PPP1R13B: variants seen among roughly 807,000 people sequenced by gnomAD.
PPP1R13B encodes the protein apoptosis-stimulating of p53 protein 1.
Under a neutral mutation model 119.8 loss-of-function variants are expected in PPP1R13B, and 44 were observed. That is an observed-to-expected ratio of 0.37 (90% CI 0.29 to 0.47). The LOEUF (loss-of-function observed/expected upper bound fraction) is 0.47. PPP1R13B is among the 20% of genes least tolerant of loss of function. The pLI is 0.99. For missense variants in PPP1R13B, 1,227 were observed against 1,413.5 expected, an observed-to-expected ratio of 0.87 and a Z score of 2.12; for synonymous variants, 542 against 561.5, an observed-to-expected ratio of 0.97 and a Z score of 0.49.
chr14:103,815,647 C>T (rs1472243489), intron 1 of PPP1R13B, among the ~76,000 whole-genome samples: 10 of 152,138 alleles, frequency 6.6e-5, no homozygotes, highest in Admixed American at 5.2e-4. Context: ...CCCAGCTACT[C>T]AGGAGGCTGA....
At chr14:103,756,306 T>C (rs1595730893) in intron 5 of PPP1R13B, among the ~76,000 whole-genome samples, 1 of 152,144 alleles carries the variant, frequency 6.6e-6, no homozygotes. Context: ...GCCAGGCTGG[T>C]CTCGAACTCC....
chr14:103,757,699 G>T lies in PPP1R13B; in HGVS notation c.407C>A (p.Ala136Asp). 6.2e-7 allele frequency: 1 copy of T among 1,612,704 alleles called. No individual in the cohort carries two copies. Among genetic ancestry groups the T allele is most frequent in the South Asian group, 1.1e-5 (1 of 91,066 alleles). Reference sequence around the variant, plus strand: ...ATTTTCAATCTGCTGCTGTTGCCTAGCTGCCATATCTTGGAGCTCTGAGAG... The same window carrying T: ...ATTTTCAATCTGCTGCTGTTGCCTATCTGCCATATCTTGGAGCTCTGAGAG... ...LTLSELQDMAARQQQQIENQQ... is the reference protein window; with the variant it reads ...LTLSELQDMADRQQQQIENQQ... The change falls in exon 5 of 17, where the codon GCT becomes GAT. Residue 136 changes from alanine to aspartate, a missense_variant. Coordinates refer to ENST00000202556, the MANE Select transcript of PPP1R13B (RefSeq NM_015316.3).
intron 1 of PPP1R13B, among the ~76,000 whole-genome samples, chr14:103,798,248 T>G (rs1389099177): frequency 6.8e-6 from 1 of 147,248 alleles, no homozygotes; most frequent in Non-Finnish European, 1.5e-5. Flanking sequence ...GCCTCCCGGG[T>G]TCATGCCATT....
chr14:103,776,329 A>G (rs938834876), intron 4 of PPP1R13B, among the ~76,000 whole-genome samples: 1 of 152,218 alleles, frequency 6.6e-6, no homozygotes, highest in Non-Finnish European at 1.5e-5. Context: ...CAGAGATTTA[A>G]GTATATGAGG....
chr14:103,752,917 T>C, intron 7 of PPP1R13B, 83 bp downstream of exon 7: 3 of 1,430,646 alleles, frequency 2.1e-6, no homozygotes, highest in Non-Finnish European at 2.9e-6. Flanking sequence ...TTGTTTCCAC[T>C]TCCTAAGGTT....
At chr14:103,746,781 A>C in intron 8 of PPP1R13B, 1 of 375,118 alleles carries the variant, frequency 2.7e-6, no homozygotes, top group Non-Finnish European at 4.8e-6. Flanking sequence ...AGCTGTACAC[A>C]TGAGGAGCTG....
Position 103,753,202 on chromosome 14 carries a change from A to C in PPP1R13B, c.632-6T>G. On this transcript the variant is annotated splice_region_variant and splice_polypyrimidine_tract_variant and intron_variant, in intron 6 of 16. Coordinates refer to ENST00000202556, the MANE Select transcript of PPP1R13B (RefSeq NM_015316.3). Reference sequence around the variant, plus strand: ...GAACCTTTCTATTTCAGCAGCTATAATTGACCACACAAGAAAAGAATAAAA... The same window carrying C: ...GAACCTTTCTATTTCAGCAGCTATACTTGACCACACAAGAAAAGAATAAAA... 6.2e-7 allele frequency: 1 copy of C among 1,601,110 alleles called. No homozygotes were observed. Among genetic ancestry groups the C allele is most frequent in the Non-Finnish European group, 8.5e-7 (1 of 1,175,942 alleles).
At position 103,740,085 on chromosome 14, in the gene PPP1R13B, G is replaced by A; in HGVS notation, c.2331C>T (p.Pro777=). The A allele has an allele frequency of 6.2e-7, 1 of 1,613,966 alleles. No homozygotes were observed. Among genetic ancestry groups the A allele is most frequent in the Non-Finnish European group, 8.5e-7 (1 of 1,180,036 alleles). ...GNLEELPPAQ[P]TAPLPAEPAP... is the part of the protein sequence containing the mutation. ...CAGGCTCAGCGGGGAGTGGGGCTGT[G>A]GGCTGGGCAGGGGGGAGCTCTTCCA... Residue 777 remains proline, a synonymous_variant, in exon 12 of 17, where the codon CCC becomes CCT. Transcript: ENST00000202556. This position sits in a 1 kb window ranked among gnomAD's most constrained non-coding sequence, Gnocchi z 4.6.
At chr14:103,765,534 T>A (rs891611438) in intron 4 of PPP1R13B, among the ~76,000 whole-genome samples, 1 of 152,146 alleles carries the variant, frequency 6.6e-6, no homozygotes, top group African/African-American at 2.4e-5. Context: ...GCAACATCTT[T>A]GATTGAGCCA....
intron 4 of PPP1R13B, among the ~76,000 whole-genome samples, chr14:103,774,308 G>T (rs1339357269): frequency 6.6e-6 from 1 of 152,130 alleles, no homozygotes; most frequent in Non-Finnish European, 1.5e-5. Context: ...ACAGGAAAAA[G>T]TTCTTCCAGG....
Position 103,784,909 on chromosome 14 carries a change from G to C in PPP1R13B, c.163C>G (p.Pro55Ala), listed in dbSNP as rs750002249. The C allele has an allele frequency of 7.7e-6, 12 of 1,565,874 alleles. No individual in the cohort carries two copies. The highest frequency in any genetic ancestry group is 1.2e-5 in the South Asian group (1 of 86,140). ...LAEVWRGNERPIPFDHMMYEH... is the reference protein window; with the variant it reads ...LAEVWRGNERAIPFDHMMYEH... ...TACATCATATGATCAAAGGGTATGG[G>C]ACGTTCTAGGAAAAAGACCACATCT... is the stretch of plus-strand genomic sequence containing the variant. The change falls in exon 3 of 17, where the codon CCC becomes GCC. Residue 55 changes from proline to alanine, a missense_variant. Transcript: ENST00000202556.
chr14:103,757,669 T>C lies in PPP1R13B; in HGVS notation c.437A>G (p.Gln146Arg), dbSNP rs771566427. 4.3e-6 allele frequency: 7 copies of C among 1,614,154 alleles called. No homozygotes were observed. In the South Asian group the frequency reaches 6.6e-5, roughly 15 times the overall value. ...ACTTACCTTGGCAACCAACATCTGCTGCTGATTTTCAATCTGCTGCTGTTG... is the reference window on the plus strand; with the variant it reads ...ACTTACCTTGGCAACCAACATCTGCCGCTGATTTTCAATCTGCTGCTGTTG... ...ARQQQQIENQQQMLVAKEQRL... is the reference protein window; with the variant it reads ...ARQQQQIENQRQMLVAKEQRL... The change falls in exon 5 of 17, where the codon CAG becomes CGG. Residue 146 changes from glutamine to arginine, a missense_variant. Coordinates refer to ENST00000202556, the MANE Select transcript of PPP1R13B (RefSeq NM_015316.3).
chr14:103,824,906 G>C (rs2086500983), intron 1 of PPP1R13B, among the ~76,000 whole-genome samples: 1 of 151,958 alleles, frequency 6.6e-6, no homozygotes, highest in Non-Finnish European at 1.5e-5. Flanking sequence ...GGCATATCTT[G>C]TTTTATTGTG....
intron 6 of PPP1R13B, among the ~76,000 whole-genome samples, chr14:103,753,677 C>G (rs891883191): frequency 2.0e-5 from 3 of 152,200 alleles, no homozygotes; most frequent in Non-Finnish European, 4.4e-5. Context: ...GAGCGCCCCA[C>G]CCTAATCCAA....
At chr14:103,830,793 A>C (rs1371983735) in intron 1 of PPP1R13B, among the ~76,000 whole-genome samples, 3 of 152,176 alleles carry the variant, frequency 2.0e-5, no homozygotes, top group Non-Finnish European at 4.4e-5. Context: ...ACTGGCACAC[A>C]TGGCTATTGA....
chr14:103,767,051 A>ATGTC (rs2084954764), intron 4 of PPP1R13B, among the ~76,000 whole-genome samples: 1 of 152,202 alleles, frequency 6.6e-6, no homozygotes, highest in Non-Finnish European at 1.5e-5. Context: ...AATAGACCTA[A>ATGTC]TGTCACCTGC....
In PPP1R13B at chr14:103,748,122, C is replaced by T. The variant is rs149896064; in HGVS notation, c.970-1569G>A. ...ACACACACACACACACACGTGCACGCGCACGCTACTGGTTCTCTTTCTCTA... is the reference window on the plus strand; with the variant it reads ...ACACACACACACACACACGTGCACGTGCACGCTACTGGTTCTCTTTCTCTA... On this transcript the variant is annotated intron_variant, in intron 8 of 16. Transcript: ENST00000202556. Among the ~76,000 whole-genome samples the T allele has an allele frequency of 3.1e-3, 465 of 151,642 alleles. 2 individuals carry two copies. Among genetic ancestry groups the T allele is most frequent in the African/African-American group, 0.011 (444 of 41,098 alleles).
intron 2 of PPP1R13B, among the ~76,000 whole-genome samples, chr14:103,794,333 T>C (rs1429519591): frequency 6.6e-6 from 1 of 151,372 alleles, no homozygotes; most frequent in Non-Finnish European, 1.5e-5. Context: ...TTTTTGTTTT[T>C]TTTTTTTTTT....
At chr14:103,845,396 T>A (rs2087005634) in intron 1 of PPP1R13B, among the ~76,000 whole-genome samples, 1 of 152,022 alleles carries the variant, frequency 6.6e-6, no homozygotes, top group African/African-American at 2.4e-5. Flanking sequence ...TACATGAGAG[T>A]CTAAGAGAAA....
Sources: allele counts gnomAD v4.1 joint callset (sites outside exome capture counted in the v4.1 genomes callset), GRCh38; gene constraint gnomAD v4.1.1; non-coding constraint Gnocchi (gnomAD v3.1); transcripts MANE v1.5; gene names NCBI Gene and HGNC (gene_info 2026-07-23, HGNC 2026-07-21).